Variants in PCCA observed in about 807,000 individuals in gnomAD.
PCCA encodes the protein propionyl-CoA carboxylase alpha chain, mitochondrial.
PCCA carries 74 observed loss-of-function variants against 101.3 expected under a neutral mutation model. The ratio of observed to expected loss-of-function variants is 0.73; its 90% CI spans 0.61 to 0.89. PCCA has a LOEUF of 0.89. PCCA is among the 40% of genes least tolerant of loss of function. PCCA has a pLI of 0.00. For missense variants in PCCA, 891 were observed against 907.0 expected (o/e 0.98, Z 0.23); for synonymous variants, 294 against 313.6 (o/e 0.94, Z 0.66).
chr13:100,383,355 C>A (rs1041831441), intron 19 of PCCA, among the ~76,000 whole-genome samples: 1 of 151,620 alleles, frequency 6.6e-6, no homozygotes, highest in Non-Finnish European at 1.5e-5. Flanking sequence ...AGACTGGGTG[C>A]GTGGCTCACG....
intron 9 of PCCA, among the ~76,000 whole-genome samples, chr13:100,258,599 A>G (rs1434373804): frequency 2.0e-5 from 3 of 152,042 alleles, no homozygotes; most frequent in African/African-American, 4.8e-5. Context: ...CTTATCAGTC[A>G]TTTCTCCAGG....
At chr13:100,503,110 G>T (rs2085800981) in intron 21 of PCCA, among the ~76,000 whole-genome samples, 1 of 152,200 alleles carries the variant, frequency 6.6e-6, no homozygotes, top group Non-Finnish European at 1.5e-5. Flanking sequence ...GAGTTGTCCT[G>T]GGCAGAGGCT....
At chr13:100,237,024 C>T (rs1445437396) in intron 8 of PCCA, 2 of 152,230 alleles carry the variant, frequency 1.3e-5, no homozygotes, top group African/African-American at 4.8e-5. Flanking sequence ...CATCGTGCCA[C>T]ACGAACATTT....
chr13:100,310,572 A>G (rs907296607), intron 16 of PCCA, among the ~76,000 whole-genome samples: 3 of 152,198 alleles, frequency 2.0e-5, no homozygotes, highest in African/African-American at 7.2e-5. Flanking sequence ...AAAATATTAG[A>G]TTAGTTTTGG....
At chr13:100,278,764 C>T (rs1490899113) in intron 12 of PCCA, among the ~76,000 whole-genome samples, 1 of 152,186 alleles carries the variant, frequency 6.6e-6, no homozygotes, top group African/African-American at 2.4e-5. Context: ...AGGCGTGAGC[C>T]TCCGTGCCCA....
At chr13:100,463,241 G>A (rs1056565184) in intron 21 of PCCA, among the ~76,000 whole-genome samples, 18 of 152,134 alleles carry the variant, frequency 1.2e-4, no homozygotes, top group African/African-American at 3.9e-4. Flanking sequence ...ACCATTCCAA[G>A]GAGGTTGGGT....
chr13:100,487,631 C>T (rs964943752), intron 21 of PCCA, among the ~76,000 whole-genome samples: 16 of 152,158 alleles, frequency 1.1e-4, no homozygotes, highest in Non-Finnish European at 1.9e-4. Context: ...TGGAATTTGA[C>T]CACTGAGTCC....
intron 4 of PCCA, among the ~76,000 whole-genome samples, chr13:100,153,865 A>G (rs2053613199): frequency 6.6e-6 from 1 of 152,246 alleles, no homozygotes. Context: ...TTACCTTTCA[A>G]TACTCAATAT....
At chr13:100,122,923 G>T (rs952210143) in intron 4 of PCCA, among the ~76,000 whole-genome samples, 2 of 152,200 alleles carry the variant, frequency 1.3e-5, no homozygotes, top group Non-Finnish European at 2.9e-5. Flanking sequence ...CATTCATGAG[G>T]TCTCTGCCAC....
At chr13:100,397,865 A>C (rs1481918300) in intron 19 of PCCA, among the ~76,000 whole-genome samples, 1 of 152,224 alleles carries the variant, frequency 6.6e-6, no homozygotes, top group African/African-American at 2.4e-5. Context: ...CTTCTGTTGT[A>C]AATAACCATA....
intron 6 of PCCA, among the ~76,000 whole-genome samples, chr13:100,172,255 CAT>C (rs984058818): frequency 2.0e-5 from 3 of 151,410 alleles, no homozygotes; most frequent in Admixed American, 6.6e-5. Flanking sequence ...CATTTCTACA[CAT>C]GAGACAAACT....
intron 19 of PCCA, among the ~76,000 whole-genome samples, chr13:100,370,883 C>T (rs2075534457): frequency 6.6e-6 from 1 of 152,090 alleles, no homozygotes; most frequent in African/African-American, 2.4e-5. Flanking sequence ...AATTAGCCTA[C>T]AGGTGACAAG....
intron 4 of PCCA, among the ~76,000 whole-genome samples, chr13:100,150,042 G>A (rs1487205010): frequency 4.6e-5 from 3 of 65,286 alleles, no homozygotes; most frequent in Non-Finnish European, 9.7e-5. Flanking sequence ...CCCCCACCCC[G>A]CCCGCAAAGA....
intron 19 of PCCA, among the ~76,000 whole-genome samples, chr13:100,380,657 C>T (rs1346998018): frequency 2.6e-5 from 4 of 152,124 alleles, no homozygotes; most frequent in Non-Finnish European, 5.9e-5. Context: ...AGAAACCCTA[C>T]CTCATATTGA....
At chr13:100,513,699 G>A (rs2086636658) in intron 21 of PCCA, among the ~76,000 whole-genome samples, 1 of 152,176 alleles carries the variant, frequency 6.6e-6, no homozygotes, top group Non-Finnish European at 1.5e-5. Flanking sequence ...TACTTTTCCT[G>A]AATTTAGGCT....
intron 12 of PCCA, among the ~76,000 whole-genome samples, chr13:100,276,936 G>A (rs987606154): frequency 6.6e-6 from 1 of 152,082 alleles, no homozygotes; most frequent in African/African-American, 2.4e-5. Flanking sequence ...TTGAGTTCCT[G>A]TTGGGCCTTG....
chr13:100,478,563 A>C (rs2083614383), intron 21 of PCCA, among the ~76,000 whole-genome samples: 1 of 152,148 alleles, frequency 6.6e-6, no homozygotes, highest in Non-Finnish European at 1.5e-5. Flanking sequence ...TCATAGGAGG[A>C]GGCAACAGCT....
intron 19 of PCCA, among the ~76,000 whole-genome samples, chr13:100,411,843 C>T (rs1364933032): frequency 2.0e-5 from 3 of 152,154 alleles, no homozygotes; most frequent in African/African-American, 4.8e-5. Flanking sequence ...CATTACCTCC[C>T]AAAGGTCCTG....
intron 4 of PCCA, chr13:100,150,926 T>G (rs1340772305): frequency 6.5e-7 from 1 of 1,543,164 alleles, no homozygotes; most frequent in East Asian, 2.2e-5. Flanking sequence ...AACGTAACCT[T>G]GCTTGGCCTC....
Sources: allele counts gnomAD v4.1 joint callset (sites outside exome capture counted in the v4.1 genomes callset), GRCh38; gene constraint gnomAD v4.1.1; transcripts MANE v1.5; gene names NCBI Gene and HGNC (gene_info 2026-07-23, HGNC 2026-07-21).